CSMD1: variants seen among roughly 807,000 people sequenced by gnomAD.
CSMD1 encodes the protein CUB and sushi domain-containing protein 1.
CSMD1 carries 213 observed loss-of-function variants against 417.5 expected under a neutral mutation model. The observed-to-expected ratio is 0.51, with a 90% CI of 0.46 to 0.57. CSMD1 has a LOEUF of 0.57. CSMD1 is among the 20% of genes least tolerant of loss of function. The probability of loss-of-function intolerance (pLI) is 0.00; values close to 1 mark genes in which losing one functional copy is unlikely to be tolerated. For synonymous variants in CSMD1, 2,862 were observed against 1,736.8 expected (o/e 1.65, Z -16.11); for missense variants, 6,923 against 4,529.7 (o/e 1.53, Z -15.17).
intron 1 of CSMD1, among the ~76,000 whole-genome samples, chr8:4,951,067 T>A (rs2117283174): frequency 6.6e-6 from 1 of 152,096 alleles, no homozygotes; most frequent in Middle Eastern, 3.4e-3. Context: ...CAAATACAAA[T>A]AATAAATGAA....
At chr8:4,070,489 C>CT (rs1799491626) in intron 3 of CSMD1, among the ~76,000 whole-genome samples, 1 of 152,100 alleles carries the variant, frequency 6.6e-6, no homozygotes, top group South Asian at 2.1e-4. Context: ...TCCCGAGTAG[C>CT]TGGGACTACA....
intron 5 of CSMD1, among the ~76,000 whole-genome samples, chr8:3,894,508 C>T (rs1045309590): frequency 2.0e-5 from 3 of 151,686 alleles, no homozygotes; most frequent in Non-Finnish European, 2.9e-5. Flanking sequence ...TAACATTTGC[C>T]AAATTAAAAA....
chr8:3,740,989 C>T (rs536132847), intron 6 of CSMD1, among the ~76,000 whole-genome samples: 6 of 151,970 alleles, frequency 3.9e-5, no homozygotes, highest in South Asian at 2.1e-4. Context: ...CCAAGGTGGA[C>T]GGATCACCTC....
intron 18 of CSMD1, among the ~76,000 whole-genome samples, chr8:3,379,193 A>T (rs575490626): frequency 1.3e-5 from 2 of 152,360 alleles, no homozygotes; most frequent in East Asian, 3.9e-4. Context: ...CTTACAAGGG[A>T]TGTGAAGGAT....
chr8:3,426,368 C>G (rs530726996), intron 12 of CSMD1, among the ~76,000 whole-genome samples: 6 of 152,158 alleles, frequency 3.9e-5, no homozygotes, highest in African/African-American at 7.2e-5. Context: ...CTCATAGATA[C>G]TTGGAACTCC....
intron 5 of CSMD1, among the ~76,000 whole-genome samples, chr8:3,838,352 G>A (rs1013400743): frequency 2.6e-5 from 4 of 151,600 alleles, no homozygotes; most frequent in Non-Finnish European, 2.9e-5. Flanking sequence ...CCTGGGTGAT[G>A]TCGTGAGACA....
chr8:3,408,202 C>T lies in CSMD1; in HGVS notation c.1768G>A (p.Ala590Thr), dbSNP rs760676263. 16 of 1,605,990 alleles carry T rather than the reference C, an allele frequency of 1.0e-5. No homozygotes were observed. The highest frequency in any genetic ancestry group is 4.4e-5 in the South Asian group (4 of 90,072). Residue 590 changes from alanine to threonine, a missense_variant, in exon 14 of 70, where the codon GCA (alanine) becomes ACA (threonine). Ala to Thr is a moderately conservative substitution (Grantham distance 58). Coordinates refer to ENST00000635120, the MANE Select transcript of CSMD1 (RefSeq NM_033225.6). Reference protein sequence around the residue: ...CVFSCFFNFTASSGIILSPNY... With the variant: ...CVFSCFFNFTTSSGIILSPNY... ...GGTGACAGAATAATCCCAGATGATG[C>T]CGTAAAGTTGAAGAAACATGAAACT...
At chr8:3,846,233 A>G (rs553570454) in intron 5 of CSMD1, among the ~76,000 whole-genome samples, 17 of 152,316 alleles carry the variant, frequency 1.1e-4, no homozygotes, top group Non-Finnish European at 1.6e-4. Flanking sequence ...GCATCATCAC[A>G]GATACGTCCA....
At chr8:4,124,096 A>G (rs1802631949) in intron 3 of CSMD1, among the ~76,000 whole-genome samples, 1 of 152,196 alleles carries the variant, frequency 6.6e-6, no homozygotes, top group Non-Finnish European at 1.5e-5. Flanking sequence ...CGAAGAAAAA[A>G]AAGAGAAAGA....
intron 36 of CSMD1, among the ~76,000 whole-genome samples, chr8:3,185,175 T>G (rs1049030886): frequency 6.6e-6 from 1 of 152,222 alleles, no homozygotes; most frequent in East Asian, 1.9e-4. Context: ...AGGGGAGTCC[T>G]GTGGAGAAGC....
At chr8:3,389,254 C>T (rs772477880) in intron 17 of CSMD1, among the ~76,000 whole-genome samples, 47 of 152,070 alleles carry the variant, frequency 3.1e-4, no homozygotes, top group Non-Finnish European at 5.1e-4. Context: ...TTTTCCCGAT[C>T]CTCTCCTTCC....
At chr8:4,589,764 G>C (rs1237193610) in intron 2 of CSMD1, among the ~76,000 whole-genome samples, 1 of 152,158 alleles carries the variant, frequency 6.6e-6, no homozygotes, top group Non-Finnish European at 1.5e-5. Context: ...AAAATAATTA[G>C]TTGCCAACTT....
At chr8:3,612,228 A>G (rs1367948921) in intron 8 of CSMD1, among the ~76,000 whole-genome samples, 1 of 152,058 alleles carries the variant, frequency 6.6e-6, no homozygotes, top group Non-Finnish European at 1.5e-5. Flanking sequence ...TTTCATAACA[A>G]AAGGTATTGA....
chr8:3,228,881 G>A (rs577533872), intron 27 of CSMD1, among the ~76,000 whole-genome samples: 34 of 151,844 alleles, frequency 2.2e-4, no homozygotes, highest in Non-Finnish European at 4.1e-4. Context: ...GAAACACGCC[G>A]AAATCTCTGC....
chr8:4,294,725 A>AT (rs1170897736), intron 3 of CSMD1, among the ~76,000 whole-genome samples: 1 of 151,956 alleles, frequency 6.6e-6, no homozygotes, highest in Non-Finnish European at 1.5e-5. Flanking sequence ...CATATAATCT[A>AT]TTTTTTTCTT....
At chr8:4,148,519 T>TA (rs200452249) in intron 3 of CSMD1, among the ~76,000 whole-genome samples, 445 of 147,824 alleles carry the variant, frequency 3.0e-3, no homozygotes, top group South Asian at 0.011. Context: ...AAAGTATAAT[T>TA]AAAAAAAAAA....
At chr8:4,690,670 C>T (rs1009993031) in intron 1 of CSMD1, among the ~76,000 whole-genome samples, 3 of 152,078 alleles carry the variant, frequency 2.0e-5, no homozygotes, top group African/African-American at 7.2e-5. Flanking sequence ...AGCATTTCAG[C>T]AGGATTTTAT....
chr8:3,315,347 G>C (rs115173247), intron 23 of CSMD1, among the ~76,000 whole-genome samples: 2,653 of 151,536 alleles, frequency 0.018, 78 homozygotes, highest in African/African-American at 0.061. Flanking sequence ...TGAATTTCCT[G>C]AAATGTGTGA....
At chr8:3,304,604 AG>A (rs1804670505) in intron 25 of CSMD1, among the ~76,000 whole-genome samples, 1 of 150,632 alleles carries the variant, frequency 6.6e-6, no homozygotes, top group South Asian at 2.1e-4. Context: ...TAAATTTAAT[AG>A]ATGTATTTAT....
Sources: allele counts gnomAD v4.1 joint callset (sites outside exome capture counted in the v4.1 genomes callset), GRCh38; gene constraint gnomAD v4.1.1; transcripts MANE v1.5; gene names NCBI Gene and HGNC (gene_info 2026-07-23, HGNC 2026-07-21).